Variants in HNF4G observed in about 807,000 individuals in gnomAD.
The protein encoded by HNF4G is hepatocyte nuclear factor 4-gamma.
Under a neutral mutation model 50.9 loss-of-function variants are expected in HNF4G, and 21 were observed. That is an observed-to-expected ratio of 0.41 (90% CI 0.29 to 0.59). The LOEUF (loss-of-function observed/expected upper bound fraction) is 0.59, where lower values mean the gene tolerates loss of function less well. HNF4G is among the 20% of genes least tolerant of loss of function. The pLI is 0.26. For synonymous variants in HNF4G, 198 were observed against 185.6 expected (o/e 1.07, Z -0.54); for missense variants, 527 against 559.4 (o/e 0.94, Z 0.58).
At chr8:75,561,094 G>T (rs977999237) in intron 9 of HNF4G, among the ~76,000 whole-genome samples, 2 of 152,074 alleles carry the variant, frequency 1.3e-5, no homozygotes, top group Admixed American at 6.6e-5. Context: ...AGTTTTACTC[G>T]TTGGGAAGTT....
Position 75,513,897 on chromosome 8 carries a change from G to A in HNF4G, c.-24+23689G>A, listed in dbSNP as rs1312920976. On this transcript the variant is annotated intron_variant, in intron 2 of 10. Transcript: ENST00000354370. Reference sequence around the variant, plus strand: ...TATATAATGCTTTCTTTCATTTTTAGGTTAAGACTTTCTCTATAGTCAGTT... The same window carrying A: ...TATATAATGCTTTCTTTCATTTTTAAGTTAAGACTTTCTCTATAGTCAGTT... Among the ~76,000 whole-genome samples, 6 of 135,972 alleles carry A rather than the reference G, an allele frequency of 4.4e-5. No individual in the cohort carries two copies. In the East Asian group the frequency reaches 1.3e-3, roughly 29 times the overall value. 89.2% of individuals were successfully genotyped at this position (135,972 alleles called of 152,430 possible).
rs201693249 is a variant in HNF4G at position 75,543,851 on chromosome 8, C to T, written c.159C>T (p.Asn53=). 27 of 1,612,622 alleles carry T rather than the reference C, an allele frequency of 1.7e-5. No individual in the cohort carries two copies. Among genetic ancestry groups the T allele is most frequent in the Admixed American group, 3.4e-5 (2 of 59,684 alleles). Residue 53 remains asparagine (N), a synonymous_variant, in exon 2 of 10, where the codon AAC becomes AAT. Transcript: ENST00000396423. ...AGACAAGTATGAATACCACAGACAA[C>T]GGTGTCAACTGTCTGTGTGCTATCT... The part of the protein sequence containing the change: ...APETSMNTTD[N]GVNCLCAICG...
chr8:75,526,703 A>C (rs1806189965), intron 2 of HNF4G, among the ~76,000 whole-genome samples: 1 of 150,762 alleles, frequency 6.6e-6, no homozygotes, highest in East Asian at 2.0e-4. Context: ...AGACTAATTA[A>C]AATTTTTTTT....
chr8:75,542,137 C>G (rs961580203), intron 1 of HNF4G, among the ~76,000 whole-genome samples: 10 of 151,414 alleles, frequency 6.6e-5, no homozygotes, highest in Non-Finnish European at 1.2e-4. Flanking sequence ...CTTGTCTCTA[C>G]AATAAAAAAA....
At chr8:75,469,785 A>G (rs1447133974) in intron 1 of HNF4G, among the ~76,000 whole-genome samples, 1 of 152,048 alleles carries the variant, frequency 6.6e-6, no homozygotes, top group Non-Finnish European at 1.5e-5. Context: ...CTTATACCCA[A>G]TCTGTGAACA....
intron 1 of HNF4G, among the ~76,000 whole-genome samples, chr8:75,471,505 GCTTT>G (rs1478657549): frequency 1.3e-5 from 2 of 152,116 alleles, no homozygotes; most frequent in African/African-American, 4.8e-5. Flanking sequence ...TTTTCAAGAT[GCTTT>G]CTGTTAAAGT....
chr8:75,561,761 C>G lies in HNF4G; in HGVS notation c.1246+1295C>G, dbSNP rs575814232. On this transcript the variant is annotated intron_variant, in intron 9 of 9. Transcript: ENST00000396423. Reference sequence around the variant, plus strand: ...TGGTGTTTAACTAAGCCTTGGTAACCAGAATTCATTCACATCAGAATTGTG... The same window carrying G: ...TGGTGTTTAACTAAGCCTTGGTAACGAGAATTCATTCACATCAGAATTGTG... Among the ~76,000 whole-genome samples the G allele has an allele frequency of 1.4e-3, 206 of 152,194 alleles. 2 individuals carry two copies. The highest frequency in any genetic ancestry group is 2.5e-3 in the Non-Finnish European group (173 of 68,006).
upstream of HNF4G, among the ~76,000 whole-genome samples, chr8:75,535,062 A>G (rs866614405): frequency 6.6e-6 from 1 of 151,840 alleles, no homozygotes; most frequent in Non-Finnish European, 1.5e-5. Flanking sequence ...AAGGAAAGAG[A>G]TAAGAAAAAA....
At chr8:75,431,006 C>T (rs1585836535) in intron 1 of HNF4G, among the ~76,000 whole-genome samples, 3 of 151,770 alleles carry the variant, frequency 2.0e-5, no homozygotes, top group Admixed American at 1.3e-4. Flanking sequence ...TAAAAACAAA[C>T]AGATACATTT....
At chr8:75,434,587 CA>C (rs1811093750) in intron 1 of HNF4G, among the ~76,000 whole-genome samples, 1 of 151,564 alleles carries the variant, frequency 6.6e-6, no homozygotes, top group Admixed American at 6.6e-5. Flanking sequence ...AACAATAATA[CA>C]ATAGCGAATG....
chr8:75,449,508 T>C (rs1050804293), intron 1 of HNF4G, among the ~76,000 whole-genome samples: 1 of 85,500 alleles, frequency 1.2e-5, no homozygotes, highest in Non-Finnish European at 2.2e-5. Context: ...TATATTTTTT[T>C]CTTTTTTTTT....
At chr8:75,427,577 A>C (rs918880979) in intron 1 of HNF4G, among the ~76,000 whole-genome samples, 1 of 150,650 alleles carries the variant, frequency 6.6e-6, no homozygotes, top group African/African-American at 2.4e-5. Flanking sequence ...ACCCTGTCTC[A>C]AAAAAAAATA....
chr8:75,494,057 G>C (rs1052866306), intron 2 of HNF4G, among the ~76,000 whole-genome samples: 23 of 152,202 alleles, frequency 1.5e-4, no homozygotes, highest in African/African-American at 5.1e-4. Flanking sequence ...TATTAGGAAA[G>C]CTGAATGATT....
intron 1 of HNF4G, among the ~76,000 whole-genome samples, chr8:75,448,484 C>CT (rs1203992160): frequency 3.7e-5 from 3 of 80,282 alleles, no homozygotes; most frequent in Non-Finnish European, 5.5e-5. Flanking sequence ...TAAAAGACCT[C>CT]TTTAAAAAAA....
At chr8:75,421,390 T>C (rs2130490076) in intron 1 of HNF4G, among the ~76,000 whole-genome samples, 1 of 152,358 alleles carries the variant, frequency 6.6e-6, no homozygotes, top group Admixed American at 6.5e-5. Flanking sequence ...TATTCAATTT[T>C]GTGACAATTT....
chr8:75,513,445 T>C (rs1805809426), intron 2 of HNF4G, among the ~76,000 whole-genome samples: 2 of 152,242 alleles, frequency 1.3e-5, no homozygotes, highest in Admixed American at 1.3e-4. Flanking sequence ...TTGAGTTCAA[T>C]TTGTTTAGGA....
chr8:75,519,425 C>A (rs1805978150), intron 2 of HNF4G, among the ~76,000 whole-genome samples: 1 of 152,184 alleles, frequency 6.6e-6, no homozygotes, highest in Non-Finnish European at 1.5e-5. Flanking sequence ...CAGCATCCCA[C>A]TCTTCCAGTA....
At chr8:75,451,339 G>A (rs1811579830) in intron 1 of HNF4G, among the ~76,000 whole-genome samples, 1 of 152,006 alleles carries the variant, frequency 6.6e-6, no homozygotes, top group South Asian at 2.1e-4. Context: ...TTTTTAGTCT[G>A]ATATAATTCC....
At chr8:75,549,566 C>A (rs1291883420) in intron 3 of HNF4G, among the ~76,000 whole-genome samples, 1 of 144,812 alleles carries the variant, frequency 6.9e-6, no homozygotes, top group Non-Finnish European at 1.5e-5. Flanking sequence ...TTTTTTTTCA[C>A]AAAGAAGTTT....
Sources: allele counts gnomAD v4.1 joint callset (sites outside exome capture counted in the v4.1 genomes callset), GRCh38; gene constraint gnomAD v4.1.1; transcripts MANE v1.5; gene names NCBI Gene and HGNC (gene_info 2026-07-23, HGNC 2026-07-21).